PHEX: variants seen among roughly 807,000 people sequenced by gnomAD.
PHEX encodes phosphate regulating endopeptidase X-linked, also known as phosphate-regulating neutral endopeptidase PHEX.
PHEX carries 16 observed loss-of-function variants against 68.0 expected under a neutral mutation model. That is an observed-to-expected ratio of 0.24 (90% confidence interval 0.16 to 0.36). The LOEUF (loss-of-function observed/expected upper bound fraction) is 0.36. Ranked by LOEUF, PHEX falls within the 10% of genes least tolerant of loss-of-function variation. The probability of loss-of-function intolerance (pLI) is 1.00; values close to 1 mark genes in which losing one functional copy is unlikely to be tolerated. For missense variants in PHEX, 480 were observed against 575.5 expected (o/e 0.83, Z 1.70); for synonymous variants, 208 against 205.1 (o/e 1.01, Z -0.12).
At chrX:22,228,126 T>C (rs1228151233) in intron 20 of PHEX, among the ~76,000 whole-genome samples, 1 of 111,493 alleles carries the variant, frequency 9.0e-6, no homozygotes, top group East Asian at 2.8e-4. Context: ...CTTTTGTGAG[T>C]TTAATAGGCT....
intron 14 of PHEX, among the ~76,000 whole-genome samples, chrX:22,184,944 C>A (rs2147133776): frequency 8.9e-6 from 1 of 112,459 alleles, no homozygotes; most frequent in South Asian, 3.7e-4. Context: ...AATAAATACA[C>A]TATTGCTTTT....
At chrX:22,122,775 C>T (rs1331295115) in intron 11 of PHEX, among the ~76,000 whole-genome samples, 3 of 110,608 alleles carry the variant, frequency 2.7e-5, no homozygotes, top group African/African-American at 9.9e-5. Context: ...TGGAATGACT[C>T]GGCTCTGCTT....
rs773731284 is a variant in PHEX at position 22,185,817 on chromosome X, G to A, written c.1587-4627G>A. Among the ~76,000 whole-genome samples the A allele has an allele frequency of 1.1e-4, 11 of 102,844 alleles. No individual in the cohort carries two copies. The South Asian group carries it at 1.4e-3, about 13-fold the overall frequency. 89.3% of individuals were successfully genotyped at this position (102,844 alleles called of 115,157 possible). On this transcript the variant is annotated intron_variant, in intron 14 of 21. Transcript: ENST00000379374. Reference sequence around the variant, plus strand: ...TGTCACCAGGCTGGAGTACATTGGCGTGATCTCGGCTCACTGCAACCTCCG... The same window carrying A: ...TGTCACCAGGCTGGAGTACATTGGCATGATCTCGGCTCACTGCAACCTCCG...
At chrX:22,218,021 C>T (rs141965711) in intron 16 of PHEX, among the ~76,000 whole-genome samples, 5,260 of 109,725 alleles carry the variant, frequency 0.048, 89 homozygotes, top group African/African-American at 0.06. Flanking sequence ...TAGGGCTGGA[C>T]TCACAGACAG....
intron 9 of PHEX, among the ~76,000 whole-genome samples, chrX:22,104,538 T>G (rs1024008927): frequency 1.8e-5 from 2 of 112,012 alleles, no homozygotes; most frequent in African/African-American, 6.5e-5. Flanking sequence ...GTTGATAGTT[T>G]CAATTCAACT....
At chrX:22,131,532 C>A (rs779772895) in intron 11 of PHEX, among the ~76,000 whole-genome samples, 1 of 113,032 alleles carries the variant, frequency 8.8e-6, no homozygotes, top group African/African-American at 3.2e-5. Context: ...CTCCCCCGAC[C>A]CCCTTCCATC....
intron 20 of PHEX, among the ~76,000 whole-genome samples, chrX:22,233,475 T>G (rs922189126): frequency 9.0e-5 from 10 of 111,498 alleles, no homozygotes; most frequent in Non-Finnish European, 1.5e-4. Flanking sequence ...TCTTTTCACA[T>G]AGTCCCATAT....
chrX:22,085,699 G>C (rs906104934), intron 5 of PHEX, among the ~76,000 whole-genome samples: 2 of 111,975 alleles, frequency 1.8e-5, no homozygotes, highest in East Asian at 5.6e-4. Context: ...TGAATTTGTG[G>C]AGACTTACTT....
chrX:22,216,008 A>T (rs1223256877), intron 16 of PHEX, among the ~76,000 whole-genome samples: 1 of 111,877 alleles, frequency 8.9e-6, no homozygotes, highest in Non-Finnish European at 1.9e-5. Flanking sequence ...AAGACATTTC[A>T]GATCAGCATT....
chrX:22,051,102 C>A (rs1927810672), intron 3 of PHEX, among the ~76,000 whole-genome samples: 1 of 112,174 alleles, frequency 8.9e-6, no homozygotes, highest in South Asian at 3.6e-4. Context: ...CAATAAATCC[C>A]AAGTTACTCT....
At chrX:22,100,466 C>T (rs997792524) in intron 9 of PHEX, among the ~76,000 whole-genome samples, 2 of 111,814 alleles carry the variant, frequency 1.8e-5, no homozygotes, top group East Asian at 2.8e-4. Flanking sequence ...CATTGAGTTA[C>T]GGAGCACATT....
At chrX:22,209,473 C>T (rs9697919) in intron 15 of PHEX, among the ~76,000 whole-genome samples, 2,943 of 107,950 alleles carry the variant, frequency 0.027, 98 homozygotes, top group African/African-American at 0.096. Context: ...TTTCTTAGAG[C>T]TTTTTCCATA....
chrX:22,244,219 T>C (rs1042969531), intron 20 of PHEX, among the ~76,000 whole-genome samples: 3 of 110,550 alleles, frequency 2.7e-5, no homozygotes, highest in African/African-American at 9.9e-5. Flanking sequence ...CACTCATAAA[T>C]GGGAGTTGAA....
intron 3 of PHEX, among the ~76,000 whole-genome samples, chrX:22,065,256 T>C (rs1422504787): frequency 1.8e-5 from 2 of 112,042 alleles, no homozygotes; most frequent in Non-Finnish European, 3.8e-5. Flanking sequence ...CTGATATTTA[T>C]GAAAGAGAGC....
At chrX:22,107,933 T>C (rs947380097) in intron 9 of PHEX, among the ~76,000 whole-genome samples, 1 of 112,098 alleles carries the variant, frequency 8.9e-6, no homozygotes, top group Non-Finnish European at 1.9e-5. Context: ...TGACAGTGTG[T>C]CCCTTCAATT....
chrX:22,090,709 T>C (rs766607982), intron 6 of PHEX, among the ~76,000 whole-genome samples: 1 of 112,347 alleles, frequency 8.9e-6, no homozygotes, highest in South Asian at 3.7e-4. Flanking sequence ...CAGTACTCAA[T>C]GCCCTTATCT....
At chrX:22,111,320 T>C (rs973233139) in intron 9 of PHEX, 147 bp from the exon 10 acceptor site, 1 of 549,217 alleles carries the variant, frequency 1.8e-6, no homozygotes, top group African/African-American at 2.3e-5. Context: ...TATCATCTTA[T>C]GTCATTTCTC....
chrX:22,225,364 G>A (rs1198203131), intron 18 of PHEX, among the ~76,000 whole-genome samples: 1 of 111,254 alleles, frequency 9.0e-6, no homozygotes, highest in Non-Finnish European at 1.9e-5. Context: ...CCATTCCTCT[G>A]TGCCTGAATC....
chrX:22,040,864 G>C (rs758935097), intron 2 of PHEX, among the ~76,000 whole-genome samples: 1 of 110,199 alleles, frequency 9.1e-6, no homozygotes, highest in Non-Finnish European at 1.9e-5. Context: ...AAGATGTCTC[G>C]GTGGAGGGCT....
Sources: gnomAD v4.1 joint callset for allele counts (sites outside exome capture counted in the v4.1 genomes callset) on GRCh38, gnomAD v4.1.1 for gene constraint, MANE v1.5 for transcripts, NCBI Gene and HGNC (gene_info 2026-07-23, HGNC 2026-07-21) for gene names.